The following TSPEAR variants were observed in gnomAD, a reference collection of about 807,000 sequenced individuals.
TSPEAR encodes the protein thrombospondin-type laminin G domain and EAR repeat-containing protein.
Under a neutral mutation model 71.6 loss-of-function variants are expected in TSPEAR, and 69 were observed. That is an observed-to-expected ratio of 0.96 (90% confidence interval 0.79 to 1.18). The LOEUF (loss-of-function observed/expected upper bound fraction) is 1.18, where lower values mean the gene tolerates loss of function less well. Ranked by LOEUF, TSPEAR falls within the 50% of genes most tolerant of loss-of-function variation. TSPEAR has a pLI of 0.00. For synonymous variants in TSPEAR, 402 were observed against 387.2 expected, an observed-to-expected ratio of 1.04 and a Z score of -0.45; for missense variants, 971 against 894.9, an observed-to-expected ratio of 1.09 and a Z score of -1.09.
chr21:44,635,386 A>C lies in TSPEAR; in HGVS notation c.83-67381T>G, dbSNP rs189518600. Among the ~76,000 whole-genome samples, 1,253 of 151,212 alleles carry C rather than the reference A, an allele frequency of 8.3e-3. 6 individuals carry two copies. The highest frequency in any genetic ancestry group is 0.013 in the Non-Finnish European group (878 of 67,876). The stretch of plus-strand genomic sequence containing the variant: ...AAAAAAGAATGTTTATAGAAGCACT[A>C]TTCACACTAGCCAAAAGTTGAAAAG... On this transcript the variant is annotated intron_variant, in intron 1 of 11. Coordinates refer to ENST00000323084, the MANE Select transcript of TSPEAR (RefSeq NM_144991.3).
chr21:44,576,342 G>A lies in TSPEAR; in HGVS notation c.83-8337C>T, dbSNP rs144100379. 3.9e-3 allele frequency among the ~76,000 whole-genome samples: 582 copies of A among 150,292 alleles called. 1 individual carries two copies. The highest frequency in any genetic ancestry group is 6.0e-3 in the Non-Finnish European group (404 of 67,386). On this transcript the variant is annotated intron_variant, in intron 1 of 11. Transcript: ENST00000323084. Reference sequence around the variant, plus strand: ...ATAACTCATGGGTGAACAGACACACGGACGTCCCAGGGTGGGTGAGGGGGC... The same window carrying A: ...ATAACTCATGGGTGAACAGACACACAGACGTCCCAGGGTGGGTGAGGGGGC...
intron 1 of TSPEAR, among the ~76,000 whole-genome samples, chr21:44,613,471 A>T (rs111578046): frequency 0.03 from 4,576 of 152,118 alleles, 218 homozygotes; most frequent in African/African-American, 0.1. Flanking sequence ...CCCAGGACCA[A>T]CCCACCCACT....
chr21:44,579,501 C>G (rs1978720903), intron 1 of TSPEAR: 3 of 562,754 alleles, frequency 5.3e-6, no homozygotes, highest in African/African-American at 3.8e-5. Context: ...GAGGTGCTGA[C>G]AGGTTCAAGT....
chr21:44,514,031 G>A (rs1455602616), intron 9 of TSPEAR, among the ~76,000 whole-genome samples: 1 of 152,178 alleles, frequency 6.6e-6, no homozygotes, highest in Non-Finnish European at 1.5e-5. Flanking sequence ...CCGCAAGCCT[G>A]GCACCTTCCC....
In TSPEAR at chr21:44,695,699, A is replaced by G. The variant is rs1167437452; in HGVS notation, c.82+15734T>C. Among the ~76,000 whole-genome samples the G allele has an allele frequency of 6.6e-6, 1 of 152,196 alleles. No homozygotes were observed. Among genetic ancestry groups the G allele is most frequent in the African/African-American group, 2.4e-5 (1 of 41,438 alleles). On this transcript the variant is annotated intron_variant, in intron 1 of 11. Transcript: ENST00000323084. The surrounding 1 kb of genome is among the most constrained non-coding windows in gnomAD (Gnocchi z 4.5). ...TATGAATATTTACACCACGGATGAC[A>G]GCTAACACTCCACGCCAGGGTTCTC...
At chr21:44,548,559 C>CGTGAACAT (rs1422418209) in intron 2 of TSPEAR, among the ~76,000 whole-genome samples, 1 of 151,994 alleles carries the variant, frequency 6.6e-6, no homozygotes, top group Admixed American at 6.6e-5. Context: ...CACGTGAACA[C>CGTGAACAT]GTGAACATGA....
chr21:44,564,731 G>C (rs1181166845), intron 2 of TSPEAR, among the ~76,000 whole-genome samples: 2 of 152,100 alleles, frequency 1.3e-5, no homozygotes, highest in African/African-American at 4.8e-5. Flanking sequence ...AGAATAACTA[G>C]GTAGAAGATC....
chr21:44,514,384 GTGTGCA>G (rs1185762410), intron 9 of TSPEAR, among the ~76,000 whole-genome samples: 1 of 151,098 alleles, frequency 6.6e-6, no homozygotes, highest in Non-Finnish European at 1.5e-5. Context: ...GTGTGCATGA[GTGTGCA>G]TGTACATGTG....
chr21:44,673,570 A>T (rs1986158912), intron 1 of TSPEAR, among the ~76,000 whole-genome samples: 1 of 152,178 alleles, frequency 6.6e-6, no homozygotes, highest in Non-Finnish European at 1.5e-5. Context: ...AATCAACAAC[A>T]ACAAAAAAAT....
intron 1 of TSPEAR, among the ~76,000 whole-genome samples, chr21:44,670,199 T>C (rs1601549453): frequency 6.6e-6 from 1 of 152,170 alleles, no homozygotes; most frequent in Non-Finnish European, 1.5e-5. Flanking sequence ...AAGTTCATGG[T>C]AAATTATTGA....
intron 2 of TSPEAR, among the ~76,000 whole-genome samples, chr21:44,555,267 C>T (rs927167340): frequency 6.6e-5 from 10 of 152,158 alleles, no homozygotes; most frequent in South Asian, 2.1e-4. Context: ...AAATAAAAAC[C>T]GAAATAAGGT....
chr21:44,654,499 G>A (rs782696072), intron 1 of TSPEAR: 13 of 1,613,702 alleles, frequency 8.1e-6, no homozygotes, highest in Non-Finnish European at 1.1e-5. Flanking sequence ...CACACAGGGG[G>A]CTGAGCAGCA....
chr21:44,703,621 G>A, intron 1 of TSPEAR, among the ~76,000 whole-genome samples: 1 of 152,210 alleles, frequency 6.6e-6, no homozygotes, highest in East Asian at 1.9e-4. Context: ...AACGCCTTCT[G>A]TTTGTGCTTG....
At chr21:44,706,437 G>C in intron 1 of TSPEAR, among the ~76,000 whole-genome samples, 1 of 151,016 alleles carries the variant, frequency 6.6e-6, no homozygotes, top group African/African-American at 2.4e-5. Context: ...ACACACCCAC[G>C]TGCGCACCCA....
chr21:44,609,728 C>T (rs1981538135), intron 1 of TSPEAR, among the ~76,000 whole-genome samples: 1 of 152,162 alleles, frequency 6.6e-6, no homozygotes, highest in South Asian at 2.1e-4. Context: ...TAAACAAAAA[C>T]AAAACATGTA....
In TSPEAR at chr21:44,539,836, G is replaced by A. The variant is rs587629913; in HGVS notation, c.304-5913C>T. ...AGGTGGGCAGGCAGCACACAGGCTT[G>A]CAGCAGACGGGCACGCAGCAGGCCT... On this transcript the variant is annotated intron_variant, in intron 2 of 11. Coordinates refer to ENST00000323084, the MANE Select transcript of TSPEAR (RefSeq NM_144991.3). 688 of 1,576,338 alleles carry A rather than the reference G, an allele frequency of 4.4e-4. 8 individuals are homozygous for A. The East Asian group carries it at 0.015, about 35-fold the overall frequency.
At chr21:44,525,908 C>CTT in intron 7 of TSPEAR, 69 bp from the exon 8 acceptor site, 1 of 1,481,956 alleles carries the variant, frequency 6.7e-7, no homozygotes, top group Non-Finnish European at 9.4e-7. Context: ...TTTCTGAAGG[C>CTT]TTCTGAACAT....
At chr21:44,523,602 TAGTC>T (rs1232832364) in intron 8 of TSPEAR, among the ~76,000 whole-genome samples, 14 of 151,612 alleles carry the variant, frequency 9.2e-5, no homozygotes, top group African/African-American at 2.4e-4. Flanking sequence ...AGTAGTTAGG[TAGTC>T]AGTCATCAGT....
intron 1 of TSPEAR, among the ~76,000 whole-genome samples, chr21:44,572,712 G>T (rs997340397): frequency 6.6e-6 from 1 of 151,872 alleles, no homozygotes; most frequent in African/African-American, 2.4e-5. Flanking sequence ...CTGACCGCTG[G>T]TACATGTGAA....
Sources: gnomAD v4.1 joint callset for allele counts (sites outside exome capture counted in the v4.1 genomes callset) on GRCh38, gnomAD v4.1.1 for gene constraint, Gnocchi (gnomAD v3.1) non-coding constraint, MANE v1.5 for transcripts, NCBI Gene and HGNC (gene_info 2026-07-23, HGNC 2026-07-21) for gene names.